The following UBE2U variants were observed in gnomAD, a reference collection of about 807,000 sequenced individuals.
The protein encoded by UBE2U is ubiquitin conjugating enzyme E2 U, also known as ubiquitin-conjugating enzyme E2 U.
Under a neutral mutation model 41.2 loss-of-function variants are expected in UBE2U, and 39 were observed. The ratio of observed to expected loss-of-function variants is 0.95; its 90% CI spans 0.73 to 1.24. The LOEUF is 1.24. Ranked by LOEUF, UBE2U falls within the 50% of genes most tolerant of loss-of-function variation. UBE2U has a pLI of 0.00. For synonymous variants in UBE2U, 107 were observed against 117.8 expected (o/e 0.91, Z 0.60); for missense variants, 336 against 363.1 (o/e 0.93, Z 0.61).
intron 6 of UBE2U, among the ~76,000 whole-genome samples, chr1:64,227,922 T>C (rs2100365126): frequency 6.6e-6 from 1 of 152,218 alleles, no homozygotes; most frequent in Admixed American, 6.5e-5. Context: ...TTTAAAAGAC[T>C]TAAAGAAGTA....
At chr1:64,265,506 A>G (rs1645242302) in intron 9 of UBE2U, among the ~76,000 whole-genome samples, 1 of 152,214 alleles carries the variant, frequency 6.6e-6, no homozygotes, top group South Asian at 2.1e-4. Context: ...AAAAAATTAA[A>G]AATCACTGTG....
At chr1:64,257,562 G>A (rs1645114003) in intron 8 of UBE2U, among the ~76,000 whole-genome samples, 1 of 152,166 alleles carries the variant, frequency 6.6e-6, no homozygotes, top group Non-Finnish European at 1.5e-5. Context: ...GCTGAATGAT[G>A]AGAGCTCATG....
intron 5 of UBE2U, among the ~76,000 whole-genome samples, chr1:64,216,457 G>A (rs1206045352): frequency 6.6e-6 from 1 of 152,144 alleles, no homozygotes; most frequent in East Asian, 1.9e-4. Context: ...ATATTCGAAG[G>A]GATTTCCTAT....
chr1:64,238,755 C>T (rs71645564), intron 7 of UBE2U, among the ~76,000 whole-genome samples: 25,376 of 151,780 alleles, frequency 0.17, 2,809 homozygotes, highest in Non-Finnish European at 0.24. Context: ...AAGAAGAAAG[C>T]GCCAGGCTGG....
intron 6 of UBE2U, among the ~76,000 whole-genome samples, chr1:64,231,486 G>T (rs567715937): frequency 6.6e-6 from 1 of 152,286 alleles, no homozygotes; most frequent in Admixed American, 6.5e-5. Flanking sequence ...ACAGCATGCG[G>T]CTCTGGAAGC....
chr1:64,206,946 A>G, intron 3 of UBE2U, 90 bp downstream of exon 3: 1 of 813,406 alleles, frequency 1.2e-6, no homozygotes, highest in Non-Finnish European at 1.9e-6. Context: ...TAAGAACTTT[A>G]TTATGATTCT....
Position 64,244,075 on chromosome 1 carries a change from G to A in UBE2U, c.677+2342G>A. On this transcript the variant is annotated intron_variant, in intron 8 of 9. Transcript: ENST00000371077. ...CTGGTGCATGGCAAGCACTCATAAA[G>A]TTCGCTATTATTCATGCTTTTAAAA... The A allele has an allele frequency of 2.4e-6, 3 of 1,276,258 alleles. No individual in the cohort carries two copies. In the East Asian group the frequency reaches 7.0e-5, roughly 30 times the overall value. 79.1% of individuals were successfully genotyped at this position (1,276,258 alleles called of 1,614,324 possible).
At chr1:64,249,765 C>T (rs78787801) in intron 8 of UBE2U, among the ~76,000 whole-genome samples, 3,549 of 151,910 alleles carry the variant, frequency 0.023, 151 homozygotes, top group African/African-American at 0.08. Context: ...ACGAAAGAGC[C>T]TCAGTGAGCT....
At chr1:64,258,340 A>G (rs1347389609) in intron 8 of UBE2U, among the ~76,000 whole-genome samples, 1 of 151,644 alleles carries the variant, frequency 6.6e-6, no homozygotes, top group Non-Finnish European at 1.5e-5. Flanking sequence ...TTTTTTTTAT[A>G]CTTTAAGTTC....
At chr1:64,250,629 C>A (rs1644991596) in intron 8 of UBE2U, among the ~76,000 whole-genome samples, 1 of 152,046 alleles carries the variant, frequency 6.6e-6, no homozygotes, top group African/African-American at 2.4e-5. Context: ...TTTAGTGTGG[C>A]ACTATTCACA....
At chr1:64,239,156 GAAAGAAGAAGAAGAAGAAGAA>G in intron 7 of UBE2U, among the ~76,000 whole-genome samples, 1 of 28,398 alleles carries the variant, frequency 3.5e-5, no homozygotes, top group African/African-American at 1.4e-4. Flanking sequence ...AGAAGAAGAA[GAAAGAAGAAGAAGAAGAAGAA>G]GAAGAAGAAG....
chr1:64,227,611 A>G (rs1321240769), intron 6 of UBE2U, among the ~76,000 whole-genome samples: 1 of 152,074 alleles, frequency 6.6e-6, no homozygotes, highest in African/African-American at 2.4e-5. Context: ...AGACCAGCCT[A>G]ACCAACATGC....
At chr1:64,249,377 C>CAAAAAAAAAAAAAAAAAAAAAAAAAAA (rs71584441) in intron 8 of UBE2U, among the ~76,000 whole-genome samples, 1 of 67,366 alleles carries the variant, frequency 1.5e-5, no homozygotes, top group Non-Finnish European at 2.8e-5. Context: ...GACTCTGTCT[C>CAAAAAAAAAAAAAAAAAAAAAAAAAAA]AAAAAAAAAA....
At position 64,210,731 on chromosome 1, in the gene UBE2U, T is replaced by C; in HGVS notation, c.242-11T>C. Reference sequence around the variant, plus strand: ...TATAAATGCAAATATTAATGTATTATTTTAATACAGTAGACCCACACACTG... The same window carrying C: ...TATAAATGCAAATATTAATGTATTACTTTAATACAGTAGACCCACACACTG... On this transcript the variant is annotated splice_polypyrimidine_tract_variant and intron_variant, in intron 3 of 9. Coordinates refer to ENST00000371077, the MANE Select transcript of UBE2U (RefSeq NM_001366232.2). The C allele has an allele frequency of 6.8e-7, 1 of 1,474,214 alleles. No homozygotes were observed. The highest frequency in any genetic ancestry group is 9.1e-7 in the Non-Finnish European group (1 of 1,094,602). The allele number at this position is 1,474,214 out of a possible 1,614,324, so 91.3% of individuals were successfully genotyped here. A position where few individuals can be genotyped will look rare whatever the true frequency, so the allele number is the denominator to read the frequency against.
At chr1:64,219,641 G>A (rs555773950) in intron 5 of UBE2U, among the ~76,000 whole-genome samples, 3 of 150,748 alleles carry the variant, frequency 2.0e-5, no homozygotes, top group South Asian at 4.2e-4. Flanking sequence ...CTGCCAGGCT[G>A]GAGTGCAGTG....
intron 7 of UBE2U, among the ~76,000 whole-genome samples, chr1:64,240,210 A>G (rs987321456): frequency 3.0e-4 from 45 of 152,210 alleles, no homozygotes; most frequent in African/African-American, 1.1e-3. Context: ...GCCCATTTGC[A>G]TCTTTGCTTC....
At chr1:64,244,334 A>G (rs909173765) in intron 8 of UBE2U, 2 of 899,756 alleles carry the variant, frequency 2.2e-6, no homozygotes, top group Non-Finnish European at 2.7e-6. Flanking sequence ...TAAAAATTAT[A>G]TAAAAATGTG....
At chr1:64,233,653 A>C (rs1644612941) in intron 7 of UBE2U, among the ~76,000 whole-genome samples, 1 of 152,232 alleles carries the variant, frequency 6.6e-6, no homozygotes, top group East Asian at 1.9e-4. Context: ...ATATCAATCT[A>C]AAAGGAAAAA....
At chr1:64,239,157 A>AAGAAGAAGAAGAAGAGAAG in intron 7 of UBE2U, among the ~76,000 whole-genome samples, 1 of 37,064 alleles carries the variant, frequency 2.7e-5, no homozygotes, top group East Asian at 1.0e-3. Flanking sequence ...GAAGAAGAAG[A>AAGAAGAAGAAGAAGAGAAG]AAGAAGAAGA....
Sources: gnomAD v4.1 joint callset for allele counts (sites outside exome capture counted in the v4.1 genomes callset) on GRCh38, gnomAD v4.1.1 for gene constraint, MANE v1.5 for transcripts, NCBI Gene and HGNC (gene_info 2026-07-23, HGNC 2026-07-21) for gene names.